Variants in SCHIP1 observed in about 807,000 individuals in gnomAD.
SCHIP1 encodes the protein schwannomin interacting protein 1, also known as schwannomin-interacting protein 1.
SCHIP1 carries 8 observed loss-of-function variants against 29.7 expected under a neutral mutation model. The ratio of observed to expected loss-of-function variants is 0.27; its 90% CI spans 0.16 to 0.49. The LOEUF is 0.49. Ranked by LOEUF, SCHIP1 falls within the 20% of genes least tolerant of loss-of-function variation. The probability of loss-of-function intolerance (pLI) is 0.99; values close to 1 mark genes in which losing one functional copy is unlikely to be tolerated. For missense variants in SCHIP1, 193 were observed against 294.6 expected, an observed-to-expected ratio of 0.66 and a Z score of 2.52; for synonymous variants, 76 against 94.9, an observed-to-expected ratio of 0.80 and a Z score of 1.16.
chr3:159,731,332 T>G, the SCHIP1 span, among the ~76,000 whole-genome samples: 1 of 152,196 alleles, frequency 6.6e-6, no homozygotes, highest in African/African-American at 2.4e-5. Flanking sequence ...TTGAATATTA[T>G]CAGTAGAAAA....
the SCHIP1 span, among the ~76,000 whole-genome samples, chr3:159,328,260 AG>A: frequency 6.6e-6 from 1 of 152,206 alleles, no homozygotes; most frequent in African/African-American, 2.4e-5. Context: ...TATGACAGAA[AG>A]TTCTCTTGGA....
At chr3:159,589,175 C>T in the SCHIP1 span, among the ~76,000 whole-genome samples, 3 of 152,092 alleles carry the variant, frequency 2.0e-5, no homozygotes, top group Admixed American at 2.0e-4. Context: ...TGAAGAGGTC[C>T]TTCACATCCC....
At chr3:159,866,185 C>T in exon 2 of SCHIP1, 4 of 1,613,530 alleles carry the variant, frequency 2.5e-6, no homozygotes, top group Middle Eastern at 1.7e-4. Context: ...GAGAGAGAGT[C>T]TATCAGACAG....
At chr3:159,886,030 C>T (rs1452427543) in intron 2 of SCHIP1, among the ~76,000 whole-genome samples, 177 bp from the exon 4 acceptor site, 1 of 152,210 alleles carries the variant, frequency 6.6e-6, no homozygotes, top group African/African-American at 2.4e-5. Flanking sequence ...ACTCACAGAA[C>T]ATTGGAAAAT....
At chr3:159,462,677 C>G in the SCHIP1 span, among the ~76,000 whole-genome samples, 1 of 152,120 alleles carries the variant, frequency 6.6e-6, no homozygotes, top group Non-Finnish European at 1.5e-5. Context: ...AAGTGCCAAA[C>G]TCCATGATCT....
At chr3:159,362,496 T>G in the SCHIP1 span, among the ~76,000 whole-genome samples, 658 of 152,342 alleles carry the variant, frequency 4.3e-3, 1 homozygote, top group Non-Finnish European at 5.5e-3. Context: ...AGATCTTTCA[T>G]GTGATACATG....
chr3:159,289,688 GACCAT>G, the SCHIP1 span, among the ~76,000 whole-genome samples: 1 of 152,282 alleles, frequency 6.6e-6, no homozygotes, highest in African/African-American at 2.4e-5. Context: ...GGAGGGCAAG[GACCAT>G]ACCTAGTTTC....
chr3:159,788,331 A>G, the SCHIP1 span, among the ~76,000 whole-genome samples: 1 of 152,244 alleles, frequency 6.6e-6, no homozygotes, highest in Non-Finnish European at 1.5e-5. Flanking sequence ...GCTGGTTTTA[A>G]ATACAAGGCG....
chr3:159,576,868 T>C, the SCHIP1 span, among the ~76,000 whole-genome samples: 2 of 152,302 alleles, frequency 1.3e-5, no homozygotes, highest in East Asian at 3.9e-4. Context: ...CCACTTACTA[T>C]TTATATTTTG....
the SCHIP1 span, among the ~76,000 whole-genome samples, chr3:159,628,791 T>G: frequency 1.3e-5 from 2 of 152,202 alleles, no homozygotes; most frequent in Non-Finnish European, 2.9e-5. Context: ...ATGACCTTTA[T>G]AGCATGGCCA....
chr3:159,473,690 AAAAAG>A, the SCHIP1 span, among the ~76,000 whole-genome samples: 1 of 147,808 alleles, frequency 6.8e-6, no homozygotes, highest in Non-Finnish European at 1.5e-5. Flanking sequence ...AAAAAAAAAA[AAAAAG>A]AAAAGAAAAG....
At chr3:159,380,919 T>A in the SCHIP1 span, among the ~76,000 whole-genome samples, 85 of 152,302 alleles carry the variant, frequency 5.6e-4, no homozygotes, top group African/African-American at 2.0e-3. Flanking sequence ...GTGTTGTATA[T>A]GGAAAAACAC....
At chr3:159,493,342 G>A in the SCHIP1 span, among the ~76,000 whole-genome samples, 2 of 152,186 alleles carry the variant, frequency 1.3e-5, no homozygotes, top group Non-Finnish European at 2.9e-5. Flanking sequence ...TCAGTGTGCT[G>A]TATTCAGGAA....
the SCHIP1 span, among the ~76,000 whole-genome samples, chr3:159,685,247 G>T: frequency 2.0e-5 from 3 of 152,086 alleles, no homozygotes; most frequent in Non-Finnish European, 4.4e-5. Context: ...TCTCCTACTT[G>T]TTTTGCATTT....
chr3:159,378,254 G>C, the SCHIP1 span, among the ~76,000 whole-genome samples: 6 of 152,184 alleles, frequency 3.9e-5, no homozygotes, highest in African/African-American at 7.2e-5. Flanking sequence ...AATTCATTCT[G>C]TAGAGCTGGA....
chr3:159,849,037 G>A (rs1176646510), intron 1 of SCHIP1, among the ~76,000 whole-genome samples: 1 of 144,580 alleles, frequency 6.9e-6, no homozygotes, highest in African/African-American at 2.5e-5. Flanking sequence ...TCTGTATAGT[G>A]CTTATTAGAG....
chr3:159,841,704 GTTATA>G (rs1744235890), intron 1 of SCHIP1, among the ~76,000 whole-genome samples: 1 of 152,120 alleles, frequency 6.6e-6, no homozygotes, highest in African/African-American at 2.4e-5. Flanking sequence ...GAGAGAAGGG[GTTATA>G]TTAGCATTCT....
At chr3:159,679,292 A>T in the SCHIP1 span, among the ~76,000 whole-genome samples, 1 of 152,208 alleles carries the variant, frequency 6.6e-6, no homozygotes, top group Non-Finnish European at 1.5e-5. Flanking sequence ...ACCATGTTCA[A>T]AGACAAAAAT....
the SCHIP1 span, among the ~76,000 whole-genome samples, chr3:159,362,261 G>A: frequency 6.6e-6 from 1 of 152,162 alleles, no homozygotes; most frequent in African/African-American, 2.4e-5. Context: ...TGAATGTAAG[G>A]TAAGGACTTA....
Sources: gnomAD v4.1 joint callset for allele counts (sites outside exome capture counted in the v4.1 genomes callset) on GRCh38, gnomAD v4.1.1 for gene constraint, MANE v1.5 for transcripts, NCBI Gene and HGNC (gene_info 2026-07-23, HGNC 2026-07-21) for gene names.